Variants in ORC3 observed in about 807,000 individuals in gnomAD.
The protein encoded by ORC3 is homolog of latheo, Drosophila.
A neutral mutation model predicts 100.7 loss-of-function variants in ORC3; 78 were observed. The ratio of observed to expected loss-of-function variants is 0.77; its 90% CI spans 0.65 to 0.94. The LOEUF (loss-of-function observed/expected upper bound fraction) is 0.94. Ranked by LOEUF, ORC3 falls within the 40% of genes least tolerant of loss-of-function variation. The pLI, the probability that ORC3 is intolerant of heterozygous loss-of-function variation, is 0.00. For synonymous variants in ORC3, 295 were observed against 289.3 expected (o/e 1.02, Z -0.20); for missense variants, 789 against 823.9 (o/e 0.96, Z 0.52).
intron 2 of ORC3, among the ~76,000 whole-genome samples, chr6:87,599,354 A>ATTTATTTATTTATTTAT (rs140590339): frequency 3.0e-4 from 43 of 145,064 alleles, no homozygotes; most frequent in African/African-American, 1.1e-3. Flanking sequence ...TCTTTTTTTT[A>ATTTATTTATTTATTTAT]TTATTTATTT....
chr6:87,601,727 C>A, intron 2 of ORC3, 57 bp from the exon 3 acceptor site: 1 of 1,034,866 alleles, frequency 9.7e-7, no homozygotes. Flanking sequence ...CACGTAAGAT[C>A]TATAACTTAT....
At chr6:87,612,637 A>C (rs1216967334) in intron 8 of ORC3, among the ~76,000 whole-genome samples, 3 of 152,124 alleles carry the variant, frequency 2.0e-5, no homozygotes, top group Non-Finnish European at 2.9e-5. Context: ...TTTGAGAAGG[A>C]GTCTAGCTCT....
intron 9 of ORC3, among the ~76,000 whole-genome samples, chr6:87,619,091 G>A (rs759581736): frequency 6.6e-6 from 1 of 152,114 alleles, no homozygotes; most frequent in Admixed American, 6.5e-5. Flanking sequence ...GTAAGGAAAG[G>A]CTAAGGGCAG....
chr6:87,646,889 A>T (rs1768840614), intron 13 of ORC3, among the ~76,000 whole-genome samples: 1 of 152,056 alleles, frequency 6.6e-6, no homozygotes, highest in Non-Finnish European at 1.5e-5. Flanking sequence ...ACCTACCCAA[A>T]ACTGAACTCC....
At chr6:87,665,238 A>G (rs1314626657) in intron 18 of ORC3, among the ~76,000 whole-genome samples, 3 of 152,248 alleles carry the variant, frequency 2.0e-5, no homozygotes, top group Non-Finnish European at 4.4e-5. Context: ...CTTAAAAGAA[A>G]AAAAATTGAA....
chr6:87,605,421 C>T lies in ORC3; in HGVS notation c.323-496C>T, dbSNP rs1246386596. On this transcript the variant is annotated intron_variant, in intron 4 of 19. Transcript: ENST00000392844. ...ATCCCAGCACGTTGGGAGGCTGAGG[C>T]GGGTGGATCACTTGAGGTCGGGAGT... Among the ~76,000 whole-genome samples, 5 of 152,282 alleles carry T rather than the reference C, an allele frequency of 3.3e-5. No homozygotes were observed. The East Asian group carries it at 9.6e-4, about 29-fold the overall frequency.
intron 4 of ORC3, 45 bp downstream of exon 4, chr6:87,603,573 C>G: frequency 7.6e-7 from 1 of 1,322,220 alleles, no homozygotes; most frequent in Non-Finnish European, 1.0e-6. Flanking sequence ...CTGTGTATTT[C>G]GTTTTTAAAT....
At chr6:87,676,596 A>AACAC in the ORC3 span, among the ~76,000 whole-genome samples, 20,294 of 141,790 alleles carry the variant, frequency 0.14, 1,508 homozygotes, top group Non-Finnish European at 0.16. Flanking sequence ...CTCTACTAAA[A>AACAC]ACACACACAC....
At chr6:87,659,503 G>T (rs1477406122) in intron 16 of ORC3, among the ~76,000 whole-genome samples, 1 of 152,098 alleles carries the variant, frequency 6.6e-6, no homozygotes, top group Non-Finnish European at 1.5e-5. Context: ...AAAGTGAAAA[G>T]CTTAGTTTTC....
rs1776660333 is a variant in ORC3, at chr6:87,590,210, C to G, written c.24+18C>G. The stretch of plus-strand genomic sequence containing the variant: ...TGTCTAAGGTATGTGGTGGCCGATG[C>G]GCACTGTGGCTCTACCGCTGCCTCA... On this transcript the variant is annotated intron_variant, in intron 1 of 19. Coordinates refer to ENST00000392844, the MANE Select transcript of ORC3 (RefSeq NM_012381.4). 6.2e-7 allele frequency: 1 copy of G among 1,611,846 alleles called. No individual in the cohort carries two copies. Among genetic ancestry groups the G allele is most frequent in the Admixed American group, 1.7e-5 (1 of 60,008 alleles).
chr6:87,607,272 A>G (rs924773823), intron 5 of ORC3, among the ~76,000 whole-genome samples: 1 of 152,066 alleles, frequency 6.6e-6, no homozygotes, highest in Non-Finnish European at 1.5e-5. Flanking sequence ...CTACTAAAAA[A>G]TACAAAAATT....
chr6:87,621,340 C>T lies in ORC3; in HGVS notation c.988-14C>T, dbSNP rs2307366. ...AAATATAACAAATATGTTTAATCTT[C>T]ACATGTCTTTCAGCTTTCTCTATTA... On this transcript the variant is annotated splice_polypyrimidine_tract_variant and intron_variant, in intron 9 of 19. Transcript: ENST00000392844. 0.078 allele frequency: 116,402 copies of T among 1,489,476 alleles called. 4,738 individuals carry two copies. The highest frequency in any genetic ancestry group is 0.092 in the East Asian group (3,650 of 39,554). 92.3% of individuals were successfully genotyped at this position (1,489,476 alleles called of 1,614,324 possible). A position where few individuals can be genotyped will look rare whatever the true frequency, so the allele number is the denominator to read the frequency against.
chr6:87,632,479 A>G (rs1448918795), intron 11 of ORC3, among the ~76,000 whole-genome samples: 2 of 152,280 alleles, frequency 1.3e-5, no homozygotes, highest in South Asian at 2.1e-4. Context: ...CTTTTTCCCC[A>G]TTGTTGGAAC....
chr6:87,651,407 A>G (rs937728042), intron 13 of ORC3: 9 of 403,378 alleles, frequency 2.2e-5, no homozygotes, highest in Non-Finnish European at 4.5e-5. Flanking sequence ...GGTTTAACAG[A>G]TTGTTCAAGT....
chr6:87,670,620 T>G (rs1198312759), downstream of ORC3, among the ~76,000 whole-genome samples: 2 of 152,202 alleles, frequency 1.3e-5, no homozygotes, highest in Admixed American at 6.5e-5. Flanking sequence ...TCAGGAAACC[T>G]CTACCAAAAT....
the ORC3 span, among the ~76,000 whole-genome samples, chr6:87,677,197 A>G: frequency 0.016 from 2,502 of 152,320 alleles, 73 homozygotes; most frequent in African/African-American, 0.055. Flanking sequence ...TAGGATAACA[A>G]AAGCTAACAA....
At chr6:87,621,832 G>C in intron 10 of ORC3, 118 bp from the exon 11 acceptor site, 1 of 684,950 alleles carries the variant, frequency 1.5e-6, no homozygotes, top group Admixed American at 2.8e-5. Context: ...ATTTATTTTT[G>C]TGAAGAAATG....
chr6:87,668,371 T>C (rs992208370), downstream of ORC3, among the ~76,000 whole-genome samples: 2 of 152,192 alleles, frequency 1.3e-5, no homozygotes, highest in African/African-American at 4.8e-5. Context: ...CAGAAGTGTT[T>C]TGGATTTTAG....
In ORC3 at chr6:87,598,569, CTTA is replaced by C. The variant is rs2128245511; in HGVS notation, c.80-3211_80-3209del. 1.3e-5 allele frequency among the ~76,000 whole-genome samples: 2 copies of C among 151,418 alleles called. 1 individual carries two copies. Among genetic ancestry groups the C allele is most frequent in the South Asian group, 4.2e-4 (2 of 4,778 alleles). ...TTTTTGTATTGAATTTAAGCTACAACTTATTAGGATTGGTTTATAGTTTTTAGT... is the reference window on the plus strand; with the variant it reads ...TTTTTGTATTGAATTTAAGCTACAACTTAGGATTGGTTTATAGTTTTTAGT... On this transcript the variant is annotated intron_variant, in intron 2 of 19. Coordinates refer to ENST00000392844, the MANE Select transcript of ORC3 (RefSeq NM_012381.4).
Sources: allele counts gnomAD v4.1 joint callset (sites outside exome capture counted in the v4.1 genomes callset), GRCh38; gene constraint gnomAD v4.1.1; transcripts MANE v1.5; gene names NCBI Gene and HGNC (gene_info 2026-07-23, HGNC 2026-07-21).